Variants in MAB21L3 observed in about 807,000 individuals in gnomAD.
MAB21L3 encodes the protein protein mab-21-like 3.
MAB21L3 carries 36 observed loss-of-function variants against 37.7 expected under a neutral mutation model. That is an observed-to-expected ratio of 0.96 (90% confidence interval 0.73 to 1.26). The LOEUF (loss-of-function observed/expected upper bound fraction) is 1.26, where lower values mean the gene tolerates loss of function less well. Ranked by LOEUF, MAB21L3 falls within the 50% of genes most tolerant of loss-of-function variation. MAB21L3 has a pLI of 0.00. For synonymous variants in MAB21L3, 186 were observed against 176.8 expected, an observed-to-expected ratio of 1.05 and a Z score of -0.41; for missense variants, 430 against 447.3, an observed-to-expected ratio of 0.96 and a Z score of 0.35.
rs1006969979 is a variant in MAB21L3 at position 116,134,956 on chromosome 1, ATT to A, written c.*1594_*1595del. The stretch of plus-strand genomic sequence containing the variant: ...TAAATTTCTAAAGCATGAACTACTG[ATT>A]TTGTTTTCATGAAAATTCACATTTG... On this transcript the variant is annotated 3_prime_UTR_variant, in exon 8 of 8. Transcript: ENST00000369500. 10 of 152,188 alleles carry A rather than the reference ATT, an allele frequency of 6.6e-5. No individual in the cohort carries two copies. The highest frequency in any genetic ancestry group is 2.0e-4 in the Admixed American group (3 of 15,278). 9.4% of individuals were successfully genotyped at this position (152,188 alleles called of 1,614,324 possible).
chr1:116,131,654 A>G (rs975226348), intron 7 of MAB21L3, among the ~76,000 whole-genome samples: 3 of 152,156 alleles, frequency 2.0e-5, no homozygotes, highest in African/African-American at 7.2e-5. Context: ...AGCTGGGACT[A>G]CAGGCACCCG....
chr1:116,111,988 C>T (rs552693610), intron 2 of MAB21L3, among the ~76,000 whole-genome samples, 178 bp downstream of exon 2: 3 of 152,214 alleles, frequency 2.0e-5, no homozygotes, highest in East Asian at 3.9e-4. Flanking sequence ...TTGTGCTCTG[C>T]GCTGGCTGAC....
At chr1:116,131,307 A>G (rs960006768) in intron 7 of MAB21L3, among the ~76,000 whole-genome samples, 1 of 152,226 alleles carries the variant, frequency 6.6e-6, no homozygotes, top group African/African-American at 2.4e-5. Context: ...AGTGTGCCCT[A>G]TGCAGCCGAA....
At chr1:116,119,942 CA>C (rs1201981653) in intron 3 of MAB21L3, among the ~76,000 whole-genome samples, 1 of 152,144 alleles carries the variant, frequency 6.6e-6, no homozygotes, top group Non-Finnish European at 1.5e-5. Context: ...GGTCTAGAAG[CA>C]AAAGGCAGGG....
At chr1:116,121,234 C>T (rs1392579727) in intron 4 of MAB21L3, among the ~76,000 whole-genome samples, 162 bp downstream of exon 4, 1 of 152,200 alleles carries the variant, frequency 6.6e-6, no homozygotes, top group Non-Finnish European at 1.5e-5. Flanking sequence ...TCATTTTATA[C>T]ATGTCATTTC....
chr1:116,127,690 G>T, intron 6 of MAB21L3, 46 bp downstream of exon 6: 1 of 1,556,616 alleles, frequency 6.4e-7, no homozygotes, highest in Non-Finnish European at 8.7e-7. Context: ...GATGCCAACA[G>T]CTTAACCAGT....
Position 116,114,929 on chromosome 1 carries a change from T to A in MAB21L3, c.48+2266T>A, listed in dbSNP as rs546490195. Among the ~76,000 whole-genome samples the A allele has an allele frequency of 2.1e-3, 316 of 152,174 alleles. 1 individual carries two copies. Among genetic ancestry groups the A allele is most frequent in the African/African-American group, 7.1e-3 (296 of 41,512 alleles). ...AATAAGTGGAGAAGTATAGGAAAGG[T>A]CTTCCAGGCTAAGGGAACCCCGTTC... On this transcript the variant is annotated intron_variant, in intron 3 of 7. Transcript: ENST00000369500.
intron 7 of MAB21L3, among the ~76,000 whole-genome samples, chr1:116,130,661 C>T (rs1439047077): frequency 6.6e-6 from 1 of 152,222 alleles, no homozygotes; most frequent in Non-Finnish European, 1.5e-5. Flanking sequence ...CACCTTAAGT[C>T]TGACACTCTC....
intron 7 of MAB21L3, among the ~76,000 whole-genome samples, chr1:116,128,543 C>T (rs1430103272): frequency 6.6e-6 from 1 of 152,070 alleles, no homozygotes; most frequent in Non-Finnish European, 1.5e-5. Context: ...TATGGGAGTC[C>T]ACAACACCCC....
rs368032937 is a variant in MAB21L3, at chr1:116,135,320, C to A, written c.*1955C>A. ...TATCACCACCGATCCCACAGAAATACAAACTACCATCAGAGAATACTACAA... is the reference window on the plus strand; with the variant it reads ...TATCACCACCGATCCCACAGAAATAAAAACTACCATCAGAGAATACTACAA... On this transcript the variant is annotated 3_prime_UTR_variant, in exon 8 of 8. Coordinates refer to ENST00000369500, the MANE Select transcript of MAB21L3 (RefSeq NM_152367.3). The A allele has an allele frequency of 6.6e-6, 1 of 151,902 alleles. No homozygotes were observed. The highest frequency in any genetic ancestry group is 1.5e-5 in the Non-Finnish European group (1 of 67,980). The allele number at this position is 151,902 out of a possible 1,614,324, so 9.4% of individuals were successfully genotyped here.
rs934102880 is a variant in MAB21L3 at position 116,136,291 on chromosome 1, A to C, written c.*2926A>C. ...CAACTTCAGCAAAGTCTCAGGATAC[A>C]AAATCAAAGTACAAAAATCACAAGC... On this transcript the variant is annotated 3_prime_UTR_variant, in exon 8 of 8. Coordinates refer to ENST00000369500, the MANE Select transcript of MAB21L3 (RefSeq NM_152367.3). Among the ~76,000 whole-genome samples the C allele has an allele frequency of 3.4e-3, 522 of 152,294 alleles. 3 individuals are homozygous for C. The highest frequency in any genetic ancestry group is 0.011 in the African/African-American group (437 of 41,556).
In MAB21L3 at chr1:116,137,787, G is replaced by A. The variant is rs1408110305; in HGVS notation, c.*4422G>A. Among the ~76,000 whole-genome samples, 1 of 151,898 alleles carries A rather than the reference G, an allele frequency of 6.6e-6. No individual in the cohort carries two copies. Among genetic ancestry groups the A allele is most frequent in the East Asian group, 1.9e-4 (1 of 5,192 alleles). ...GCACATATACACCATGGAATACTAT[G>A]CAGCCATAAAAAATGATGAGTTCAT... On this transcript the variant is annotated 3_prime_UTR_variant, in exon 8 of 8. Transcript: ENST00000369500.
At position 116,124,242 on chromosome 1, in the gene MAB21L3, C is replaced by T; in HGVS notation, c.366C>T (p.Ser122=). 5 of 1,614,160 alleles carry T rather than the reference C, an allele frequency of 3.1e-6. No homozygotes were observed. The highest frequency in any genetic ancestry group is 4.2e-6 in the Non-Finnish European group (5 of 1,180,036). Residue 122 remains serine (S), a synonymous_variant, in exon 5 of 8, where the codon AGC becomes AGT. Transcript: ENST00000369500. ...QWLEVEQFMK[S]LWQWHETDVN... ...TGGAGGTGGAACAGTTTATGAAGAG[C>T]CTGTGGCAGTGGCATGAGACAGATG...
chr1:116,132,961 G>A (rs1660113963), intron 7 of MAB21L3, among the ~76,000 whole-genome samples, 171 bp from the exon 8 acceptor site: 1 of 152,176 alleles, frequency 6.6e-6, no homozygotes, highest in African/African-American at 2.4e-5. Context: ...AGACCAGCTG[G>A]TAAACTGAAG....
intron 3 of MAB21L3, 50 bp downstream of exon 3, chr1:116,112,713 C>T (rs1033010626): frequency 6.3e-7 from 1 of 1,584,386 alleles, no homozygotes; most frequent in East Asian, 2.2e-5. Flanking sequence ...ATTCACACTA[C>T]TTCCAAACAA....
intron 4 of MAB21L3, among the ~76,000 whole-genome samples, chr1:116,123,385 C>T (rs965671405): frequency 6.6e-6 from 1 of 152,096 alleles, no homozygotes; most frequent in African/African-American, 2.4e-5. Context: ...TGAACACTGA[C>T]CATAGGTCAT....
intron 3 of MAB21L3, among the ~76,000 whole-genome samples, chr1:116,113,743 G>T (rs147499654): frequency 1.3e-5 from 2 of 152,112 alleles, no homozygotes; most frequent in African/African-American, 4.8e-5. Flanking sequence ...GTCTTTCCAG[G>T]GGAAAAAAAT....
At position 116,136,706 on chromosome 1, in the gene MAB21L3, A is replaced by G. The variant is rs1021520601; in HGVS notation, c.*3341A>G. Among the ~76,000 whole-genome samples, 5 of 152,118 alleles carry G rather than the reference A, an allele frequency of 3.3e-5. No individual in the cohort carries two copies. The highest frequency in any genetic ancestry group is 2.1e-4 in the South Asian group (1 of 4,836). ...AAAAGAACAAAGCTGGAGGCATCAC[A>G]CTACCTGACTTCAAACTATACTACA... is the stretch of plus-strand genomic sequence containing the variant. On this transcript the variant is annotated 3_prime_UTR_variant, in exon 8 of 8. Transcript: ENST00000369500.
chr1:116,125,874 C>T (rs987995462), intron 5 of MAB21L3, among the ~76,000 whole-genome samples: 2 of 149,800 alleles, frequency 1.3e-5, no homozygotes, highest in African/African-American at 2.5e-5. Flanking sequence ...GGGTGTGGGC[C>T]GGCAGGGTGT....
Sources: gnomAD v4.1 joint callset for allele counts (sites outside exome capture counted in the v4.1 genomes callset) on GRCh38, gnomAD v4.1.1 for gene constraint, MANE v1.5 for transcripts, NCBI Gene and HGNC (gene_info 2026-07-23, HGNC 2026-07-21) for gene names.